Variants in SPMIP3 observed in about 807,000 individuals in gnomAD.
The protein encoded by SPMIP3 is protein SPMIP3.
the SPMIP3 span, chr1:244,375,543 A>C: frequency 8.9e-7 from 1 of 1,120,448 alleles, no homozygotes; most frequent in East Asian, 2.4e-5. Context: ...GGCGGGGGGA[A>C]GATACACTAC....
the SPMIP3 span, among the ~76,000 whole-genome samples, chr1:244,355,352 C>G: frequency 3.9e-4 from 59 of 152,190 alleles, no homozygotes; most frequent in Admixed American, 5.2e-4. Flanking sequence ...TATTTTAGTT[C>G]TCTTGCATTT....
chr1:244,360,781 G>A, the SPMIP3 span, among the ~76,000 whole-genome samples: 1 of 151,858 alleles, frequency 6.6e-6, no homozygotes, highest in Non-Finnish European at 1.5e-5. Context: ...CTACTCAGGA[G>A]GCTAAGGCAG....
At chr1:244,366,430 G>A in the SPMIP3 span, among the ~76,000 whole-genome samples, 1 of 152,334 alleles carries the variant, frequency 6.6e-6, no homozygotes, top group East Asian at 1.9e-4. Flanking sequence ...ATCACAAAGT[G>A]TGGGATTATG....
chr1:244,375,764 G>A, the SPMIP3 span, among the ~76,000 whole-genome samples: 19 of 151,988 alleles, frequency 1.3e-4, no homozygotes, highest in African/African-American at 3.6e-4. Context: ...TCCCAGGTTC[G>A]AGCAATTCTC....
chr1:244,373,092 G>C, the SPMIP3 span, among the ~76,000 whole-genome samples: 1 of 151,666 alleles, frequency 6.6e-6, no homozygotes, highest in Admixed American at 6.6e-5. Context: ...CTTCAAATTT[G>C]TTTTCTGGCT....
the SPMIP3 span, among the ~76,000 whole-genome samples, chr1:244,361,235 C>CTTTCTTTTT: frequency 2.8e-4 from 34 of 119,300 alleles, 1 homozygote; most frequent in East Asian, 1.4e-3. Context: ...TTCTTTCTTT[C>CTTTCTTTTT]TTTTTTTTTT....
chr1:244,378,074 T>A, the SPMIP3 span, among the ~76,000 whole-genome samples: 3 of 152,216 alleles, frequency 2.0e-5, no homozygotes, highest in Admixed American at 1.3e-4. Flanking sequence ...CCAAAAATGC[T>A]GGGATTACAG....
chr1:244,353,925 G>A, the SPMIP3 span, among the ~76,000 whole-genome samples: 832 of 152,242 alleles, frequency 5.5e-3, 8 homozygotes, highest in African/African-American at 0.019. Context: ...TAGCCAGGGT[G>A]AGTCATGTCA....
At chr1:244,380,520 A>G in the SPMIP3 span, among the ~76,000 whole-genome samples, 1 of 152,106 alleles carries the variant, frequency 6.6e-6, no homozygotes, top group East Asian at 1.9e-4. Context: ...GTAAAGTCCT[A>G]CTATTTTCCC....
chr1:244,382,628 G>T, the SPMIP3 span, among the ~76,000 whole-genome samples: 6 of 140,696 alleles, frequency 4.3e-5, no homozygotes, highest in East Asian at 8.3e-4. Flanking sequence ...TTTTGAGACG[G>T]AGTGTTGCTC....
the SPMIP3 span, among the ~76,000 whole-genome samples, chr1:244,355,371 A>G: frequency 1.3e-5 from 2 of 151,806 alleles, no homozygotes; most frequent in Non-Finnish European, 2.9e-5. Flanking sequence ...TTCCAAATAA[A>G]TTTTATTCTT....
chr1:244,369,854 G>A, the SPMIP3 span, among the ~76,000 whole-genome samples: 1 of 150,710 alleles, frequency 6.6e-6, no homozygotes, highest in Non-Finnish European at 1.5e-5. Context: ...TCTCTGCCTA[G>A]CCGGGTCACG....
chr1:244,381,004 G>A, the SPMIP3 span, among the ~76,000 whole-genome samples: 4 of 152,054 alleles, frequency 2.6e-5, no homozygotes. Context: ...AGGGGCTGGG[G>A]AGGAGGCTGG....
the SPMIP3 span, among the ~76,000 whole-genome samples, chr1:244,355,640 C>T: frequency 6.6e-6 from 1 of 152,180 alleles, no homozygotes; most frequent in African/African-American, 2.4e-5. Context: ...CCAGCCTCGG[C>T]CTCCCAAAGT....
At chr1:244,366,834 C>A in the SPMIP3 span, among the ~76,000 whole-genome samples, 53,502 of 151,922 alleles carry the variant, frequency 0.35, 10,557 homozygotes, top group Non-Finnish European at 0.47. Context: ...GAGCCGAGAT[C>A]GCACTACTGC....
At chr1:244,368,156 A>G in the SPMIP3 span, among the ~76,000 whole-genome samples, 1 of 152,050 alleles carries the variant, frequency 6.6e-6, no homozygotes, top group African/African-American at 2.4e-5. Context: ...ACAAGGTTTC[A>G]CCATGTTGGC....
chr1:244,358,582 C>CA, the SPMIP3 span, among the ~76,000 whole-genome samples: 83 of 142,816 alleles, frequency 5.8e-4, no homozygotes, highest in African/African-American at 1.6e-3. Context: ...GAGAGTGTCT[C>CA]AAAAAAAAAA....
At chr1:244,364,332 C>T in the SPMIP3 span, among the ~76,000 whole-genome samples, 1 of 152,120 alleles carries the variant, frequency 6.6e-6, no homozygotes, top group Non-Finnish European at 1.5e-5. Context: ...GTCTCGATCT[C>T]CTGACCTCGT....
At chr1:244,354,343 C>T in the SPMIP3 span, among the ~76,000 whole-genome samples, 2 of 143,198 alleles carry the variant, frequency 1.4e-5, no homozygotes, top group Admixed American at 1.6e-4. Context: ...ACTGGGAGTA[C>T]CCAAACTTTG....
Sources: allele counts gnomAD v4.1 joint callset (sites outside exome capture counted in the v4.1 genomes callset), GRCh38; gene constraint gnomAD v4.1.1; transcripts MANE v1.5; gene names NCBI Gene and HGNC (gene_info 2026-07-23, HGNC 2026-07-21).